ZNF260: variants seen among roughly 807,000 people sequenced by gnomAD.
The protein encoded by ZNF260 is zfp-260.
A neutral mutation model predicts 29.3 loss-of-function variants in ZNF260; 21 were observed. The ratio of observed to expected loss-of-function variants is 0.72; its 90% CI spans 0.51 to 1.03. The LOEUF is 1.03. Among genes scored for constraint, ZNF260 ranks in the 50% least tolerant of loss-of-function variants. The pLI is 0.00. For synonymous variants in ZNF260, 156 were observed against 156.8 expected, an observed-to-expected ratio of 0.99 and a Z score of 0.04; for missense variants, 465 against 487.8, an observed-to-expected ratio of 0.95 and a Z score of 0.44.
rs188763838 is a variant in ZNF260, at chr19:36,522,359, G to A, written c.-462+2796C>T. 6.3e-3 allele frequency among the ~76,000 whole-genome samples: 963 copies of A among 152,116 alleles called. 4 individuals are homozygous for A. Among genetic ancestry groups the A allele is most frequent in the South Asian group, 0.017 (82 of 4,812 alleles). ...TAATGCCAGCTACACAGGAGGTGGA[G>A]GCAGGAGAATCGCTTGAACCTGGGA... On this transcript the variant is annotated intron_variant, in intron 2 of 2. Transcript: ENST00000523638.
intron 2 of ZNF260, among the ~76,000 whole-genome samples, chr19:36,524,374 T>A (rs2034693590): frequency 6.6e-6 from 1 of 151,770 alleles, no homozygotes; most frequent in Admixed American, 6.6e-5. Flanking sequence ...AAAGACGGGG[T>A]TTCACCGTGT....
At position 36,514,473 on chromosome 19, in the gene ZNF260, C is replaced by CGAAAA; in HGVS notation, c.765_766insTTTTC (p.Ala256PhefsTer70). On this transcript the variant is annotated frameshift_variant, in exon 3 of 3. Coordinates refer to ENST00000523638, the MANE Select transcript of ZNF260 (RefSeq NM_001166037.2). LOFTEE classifies it high-confidence loss of function. ...GTGAGATTTGACTTGCCACTGAAGGCTTTCCCACATTCCTTACACGTATAA... is the reference window on the plus strand; with the variant it reads ...GTGAGATTTGACTTGCCACTGAAGGCGAAAATTTCCCACATTCCTTACACGTATAA... 1 of 1,614,038 alleles carries CGAAAA rather than the reference C, an allele frequency of 6.2e-7. No homozygotes were observed. Among genetic ancestry groups the CGAAAA allele is most frequent in the South Asian group, 1.1e-5 (1 of 91,078 alleles).
At chr19:36,527,693 A>C (rs1231924882) in intron 1 of ZNF260, among the ~76,000 whole-genome samples, 1 of 152,162 alleles carries the variant, frequency 6.6e-6, no homozygotes, top group Admixed American at 6.5e-5. Context: ...AAGAAAAGTC[A>C]ATGCCTACTG....
intron 2 of ZNF260, among the ~76,000 whole-genome samples, chr19:36,520,595 T>A (rs1185200669): frequency 1.3e-5 from 2 of 151,962 alleles, no homozygotes; most frequent in African/African-American, 2.4e-5. Flanking sequence ...GCCCAGCAGT[T>A]CAAGACCAGC....
chr19:36,520,758 G>T (rs1209713388), intron 2 of ZNF260, among the ~76,000 whole-genome samples: 1 of 151,898 alleles, frequency 6.6e-6, no homozygotes, highest in African/African-American at 2.4e-5. Context: ...TACTCTGGAG[G>T]CTGAGGCAGA....
Position 36,512,910 on chromosome 19 carries a change from G to A in ZNF260, c.*1090C>T, listed in dbSNP as rs1261952827. 1 of 152,102 alleles carries A rather than the reference G, an allele frequency of 6.6e-6. No individual in the cohort carries two copies. The highest frequency in any genetic ancestry group is 1.5e-5 in the Non-Finnish European group (1 of 68,010). 9.4% of individuals were successfully genotyped at this position (152,102 alleles called of 1,614,324 possible). On this transcript the variant is annotated 3_prime_UTR_variant, in exon 3 of 3. Coordinates refer to ENST00000523638, the MANE Select transcript of ZNF260 (RefSeq NM_001166037.2). Reference sequence around the variant, plus strand: ...CTGTGTTCATGTTTCTTGGGTAGATGCATATATATAGTAGTTCCCCCTTAT... The same window carrying A: ...CTGTGTTCATGTTTCTTGGGTAGATACATATATATAGTAGTTCCCCCTTAT...
chr19:36,515,277 T>A lies in ZNF260; in HGVS notation c.-39A>T. 6.8e-7 allele frequency: 1 copy of A among 1,479,688 alleles called. No homozygotes were observed. Among genetic ancestry groups the A allele is most frequent in the Non-Finnish European group, 9.0e-7 (1 of 1,112,688 alleles). The allele number at this position is 1,479,688 out of a possible 1,614,324, so 91.7% of individuals were successfully genotyped here. On this transcript the variant is annotated 5_prime_UTR_variant, in exon 3 of 3. Transcript: ENST00000523638. Reference sequence around the variant, plus strand: ...ATCAGGAGATTTCCCTAGTATCAAATAAGATGTAATAAGGATGAAAGCTTT... The same window carrying A: ...ATCAGGAGATTTCCCTAGTATCAAAAAAGATGTAATAAGGATGAAAGCTTT...
At chr19:36,523,779 T>C (rs1407065074) in intron 2 of ZNF260, among the ~76,000 whole-genome samples, 4 of 151,954 alleles carry the variant, frequency 2.6e-5, no homozygotes, top group Non-Finnish European at 5.9e-5. Flanking sequence ...GGTTTCACCA[T>C]GTTGGTCAGG....
rs1157593215 is a variant in ZNF260, at chr19:36,525,206, A to G, written c.-513T>C. 6.6e-6 allele frequency: 1 copy of G among 152,218 alleles called. No homozygotes were observed. The allele number at this position is 152,218 out of a possible 1,614,324, so 9.4% of individuals were successfully genotyped here. A position where few individuals can be genotyped will look rare whatever the true frequency, so the allele number is the denominator to read the frequency against. On this transcript the variant is annotated 5_prime_UTR_variant, in exon 2 of 3. Coordinates refer to ENST00000523638, the MANE Select transcript of ZNF260 (RefSeq NM_001166037.2). ...GAACCTTCTTTACATTTCTTTCTCA[A>G]TCATCTGTTGCTGTTCTTTTAAGTG...
At position 36,515,338 on chromosome 19, in the gene ZNF260, T is replaced by C. The variant is rs1045459439; in HGVS notation, c.-100A>G. On this transcript the variant is annotated 5_prime_UTR_variant, in exon 3 of 3. In the 5' UTR this introduces an upstream ATG that the reference lacks. Transcript: ENST00000523638. Reference sequence around the variant, plus strand: ...CTAAATTCATATGGTGTATTTTCAATATTAATTCTCAGGTATCTAATGAAG... The same window carrying C: ...CTAAATTCATATGGTGTATTTTCAACATTAATTCTCAGGTATCTAATGAAG... The C allele has an allele frequency of 2.4e-6, 3 of 1,250,116 alleles. No individual in the cohort carries two copies. Among genetic ancestry groups the C allele is most frequent in the Non-Finnish European group, 3.2e-6 (3 of 933,958 alleles). The allele number at this position is 1,250,116 out of a possible 1,614,324, so 77.4% of individuals were successfully genotyped here.
At chr19:36,523,525 T>G (rs2034679123) in intron 2 of ZNF260, among the ~76,000 whole-genome samples, 1 of 152,098 alleles carries the variant, frequency 6.6e-6, no homozygotes, top group South Asian at 2.1e-4. Flanking sequence ...CCTGATTGTT[T>G]TAATTTTCTA....
In ZNF260 at chr19:36,513,256, C is replaced by T. The variant is rs971323442; in HGVS notation, c.*744G>A. ...TTGCAGAAAATAGGGGACTACCATACTCAAGAGTGGAACTACCGGGTATTC... is the reference window on the plus strand; with the variant it reads ...TTGCAGAAAATAGGGGACTACCATATTCAAGAGTGGAACTACCGGGTATTC... On this transcript the variant is annotated 3_prime_UTR_variant, in exon 3 of 3. Coordinates refer to ENST00000523638, the MANE Select transcript of ZNF260 (RefSeq NM_001166037.2). The T allele has an allele frequency of 1.3e-5, 2 of 152,158 alleles. No homozygotes were observed. Among genetic ancestry groups the T allele is most frequent in the African/African-American group, 4.8e-5 (2 of 41,404 alleles). The allele number at this position is 152,158 out of a possible 1,614,324, so 9.4% of individuals were successfully genotyped here.
rs2034441928 is a variant in ZNF260 at position 36,510,983 on chromosome 19, T to C, written c.*3017A>G. On this transcript the variant is annotated 3_prime_UTR_variant, in exon 3 of 3. Coordinates refer to ENST00000523638, the MANE Select transcript of ZNF260 (RefSeq NM_001166037.2). ...CAAAACACTTAAAAAATATGAAAGA[T>C]TATTTAAGTAAAGCAAAATGAGGAA... The C allele has an allele frequency of 6.6e-6, 1 of 152,138 alleles. No individual in the cohort carries two copies. The highest frequency in any genetic ancestry group is 1.5e-5 in the Non-Finnish European group (1 of 68,028). The allele number at this position is 152,138 out of a possible 1,614,324, so 9.4% of individuals were successfully genotyped here.
At position 36,515,126 on chromosome 19, in the gene ZNF260, A is replaced by G; in HGVS notation, c.113T>C (p.Leu38Pro). ...CTTATGCTCTACAAGGTTTTGCTTCAGGCTAAAAGTTTTTCTACATTCATT... is the reference window on the plus strand; with the variant it reads ...CTTATGCTCTACAAGGTTTTGCTTCGGGCTAAAAGTTTTTCTACATTCATT... Reference protein sequence around the residue: ...ECNECRKTFSLKQNLVEHKKM... With the variant: ...ECNECRKTFSPKQNLVEHKKM... Residue 38 changes from leucine (L) to proline (P), a missense_variant, in exon 3 of 3, where the codon CTG (leucine) becomes CCG (proline). Physicochemically the swap from Leu to Pro is moderately conservative, Grantham distance 98. Coordinates refer to ENST00000523638, the MANE Select transcript of ZNF260 (RefSeq NM_001166037.2). 4 of 1,613,950 alleles carry G rather than the reference A, an allele frequency of 2.5e-6. No homozygotes were observed. The African/African-American group carries it at 5.3e-5, about 22-fold the overall frequency.
intron 2 of ZNF260, among the ~76,000 whole-genome samples, chr19:36,516,325 G>A (rs1600209755): frequency 6.6e-6 from 1 of 152,268 alleles, no homozygotes; most frequent in South Asian, 2.1e-4. Context: ...GCTAGGTATG[G>A]TGGTTCACAC....
intron 2 of ZNF260, among the ~76,000 whole-genome samples, chr19:36,521,984 G>C (rs1396496413): frequency 1.3e-5 from 2 of 150,834 alleles, no homozygotes; most frequent in African/African-American, 4.9e-5. Flanking sequence ...GGGAGGCAGA[G>C]CTTGCAGTGA....
chr19:36,514,867 G>C lies in ZNF260; in HGVS notation c.372C>G (p.Ile124Met). ...TTCCTGTATGATTTTTCTGGTGTCT[G>C]ATGATGGTTGGCATCTGAATAGAAA... ...EKVSIQMPTI[I>M]RHQKNHTGTK... Residue 124 changes from isoleucine (I) to methionine (M), a missense_variant, in exon 3 of 3, where the codon ATC becomes ATG. Physicochemically the swap from Ile to Met is conservative, Grantham distance 10. Transcript: ENST00000523638. 1 of 1,613,848 alleles carries C rather than the reference G, an allele frequency of 6.2e-7. No individual in the cohort carries two copies.
chr19:36,516,686 C>T (rs1290161882), intron 2 of ZNF260, among the ~76,000 whole-genome samples: 1 of 152,194 alleles, frequency 6.6e-6, no homozygotes, highest in African/African-American at 2.4e-5. Flanking sequence ...TCACGCCATT[C>T]TCCTGCCTCA....
chr19:36,520,966 C>A (rs1011069486), intron 2 of ZNF260, among the ~76,000 whole-genome samples: 9 of 150,544 alleles, frequency 6.0e-5, no homozygotes, highest in Admixed American at 5.3e-4. Flanking sequence ...CCTGTAGTCC[C>A]AGCTGCTCAG....
Sources: allele counts gnomAD v4.1 joint callset (sites outside exome capture counted in the v4.1 genomes callset), GRCh38; gene constraint gnomAD v4.1.1; transcripts MANE v1.5; gene names NCBI Gene and HGNC (gene_info 2026-07-23, HGNC 2026-07-21).